ARK2N: variants seen among roughly 807,000 people sequenced by gnomAD.
The protein encoded by ARK2N is protein ARK2N.
chr18:46,196,578 C>G, the ARK2N span, among the ~76,000 whole-genome samples: 1 of 152,126 alleles, frequency 6.6e-6, no homozygotes, highest in Non-Finnish European at 1.5e-5. Flanking sequence ...AAATGTTAAG[C>G]CTATTTTGCA....
the ARK2N span, chr18:46,173,715 G>A: frequency 6.6e-6 from 1 of 152,472 alleles, no homozygotes; most frequent in East Asian, 1.9e-4. Context: ...AGGAGGGGGT[G>A]AGTACTGAGC....
the ARK2N span, among the ~76,000 whole-genome samples, chr18:46,244,601 A>ACTTT: frequency 1.1e-5 from 1 of 93,840 alleles, no homozygotes; most frequent in Non-Finnish European, 2.0e-5. Flanking sequence ...AAGAGTTTAG[A>ACTTT]TTTTTTTTTT....
the ARK2N span, chr18:46,216,704 G>A: frequency 2.0e-6 from 2 of 996,240 alleles, no homozygotes; most frequent in African/African-American, 3.3e-5. The surrounding 1 kb of genome is among the most constrained non-coding windows in gnomAD (Gnocchi z 4.3). Flanking sequence ...CTGCAGCTCT[G>A]TGTAAATTTG....
the ARK2N span, among the ~76,000 whole-genome samples, chr18:46,178,400 C>T: frequency 6.6e-6 from 1 of 152,214 alleles, no homozygotes; most frequent in African/African-American, 2.4e-5. Context: ...GCAATCTCCA[C>T]CTTCTGGGTT....
chr18:46,181,299 A>G, the ARK2N span, among the ~76,000 whole-genome samples: 1 of 152,096 alleles, frequency 6.6e-6, no homozygotes, highest in Non-Finnish European at 1.5e-5. Context: ...TTGTAATGCC[A>G]GTTCATTTAC....
chr18:46,215,481 A>G, the ARK2N span, among the ~76,000 whole-genome samples: 2 of 152,206 alleles, frequency 1.3e-5, no homozygotes, highest in East Asian at 3.8e-4. Context: ...ATCAAAGTCA[A>G]TGAATGCATA....
At chr18:46,237,648 T>A in the ARK2N span, among the ~76,000 whole-genome samples, 1 of 152,160 alleles carries the variant, frequency 6.6e-6, no homozygotes, top group East Asian at 1.9e-4. Context: ...CTTGGCCTCT[T>A]AAGTACTTGG....
the ARK2N span, chr18:46,216,448 C>T: frequency 1.9e-5 from 30 of 1,614,042 alleles, no homozygotes; most frequent in Admixed American, 3.3e-5. The surrounding 1 kb of genome is among the most constrained non-coding windows in gnomAD (Gnocchi z 4.3). Context: ...GAGGCAGAAA[C>T]GGGAGGCTGC....
At chr18:46,177,303 C>T in the ARK2N span, among the ~76,000 whole-genome samples, 8 of 151,970 alleles carry the variant, frequency 5.3e-5, no homozygotes, top group Non-Finnish European at 7.4e-5. Flanking sequence ...CACCTCTAAT[C>T]CCAGCATTTT....
chr18:46,263,935 T>A, the ARK2N span: 2 of 152,476 alleles, frequency 1.3e-5, no homozygotes, highest in Admixed American at 1.3e-4. Context: ...TTTAGTCAAA[T>A]AACGGGTGAA....
At chr18:46,265,626 A>G in the ARK2N span, 14 of 152,288 alleles carry the variant, frequency 9.2e-5, no homozygotes, top group Non-Finnish European at 1.8e-4. Flanking sequence ...GCTCTCCCCT[A>G]CTAGGTTGGG....
At chr18:46,239,973 A>G in the ARK2N span, 3 of 1,597,100 alleles carry the variant, frequency 1.9e-6, no homozygotes, top group Non-Finnish European at 2.6e-6. Flanking sequence ...CCCACACGTT[A>G]GATACAAGTA....
At chr18:46,190,564 T>A in the ARK2N span, among the ~76,000 whole-genome samples, 6 of 152,068 alleles carry the variant, frequency 3.9e-5, no homozygotes, top group African/African-American at 1.2e-4. Context: ...TTCATCATTT[T>A]AAAAAAATCA....
At chr18:46,261,231 C>A in the ARK2N span, among the ~76,000 whole-genome samples, 180 of 152,322 alleles carry the variant, frequency 1.2e-3, no homozygotes, top group African/African-American at 4.2e-3. Flanking sequence ...CGATTTAATA[C>A]ACACATCTGT....
chr18:46,214,051 A>G, the ARK2N span, among the ~76,000 whole-genome samples: 1 of 152,190 alleles, frequency 6.6e-6, no homozygotes, highest in Non-Finnish European at 1.5e-5. Flanking sequence ...TCTGGTTTCC[A>G]TGAATGTGTT....
chr18:46,258,911 C>T, the ARK2N span, among the ~76,000 whole-genome samples: 5 of 152,068 alleles, frequency 3.3e-5, no homozygotes, highest in East Asian at 7.7e-4. Context: ...GAATTTTTTT[C>T]CCTATCTGGT....
At chr18:46,252,149 T>C in the ARK2N span, among the ~76,000 whole-genome samples, 108,959 of 151,224 alleles carry the variant, frequency 0.72, 39,429 homozygotes, top group Middle Eastern at 0.76. Flanking sequence ...GCCGAGATTG[T>C]GCCATTGCAC....
chr18:46,192,796 C>T, the ARK2N span, among the ~76,000 whole-genome samples: 2 of 151,124 alleles, frequency 1.3e-5, no homozygotes, highest in African/African-American at 4.9e-5. Flanking sequence ...TCTTGAACTC[C>T]TGACCTCAAA....
the ARK2N span, among the ~76,000 whole-genome samples, chr18:46,229,829 C>G: frequency 6.6e-6 from 1 of 152,148 alleles, no homozygotes; most frequent in African/African-American, 2.4e-5. Flanking sequence ...GTCTTAAACT[C>G]CTAAGCTCAA....
Sources: allele counts gnomAD v4.1 joint callset (sites outside exome capture counted in the v4.1 genomes callset), GRCh38; gene constraint gnomAD v4.1.1; non-coding constraint Gnocchi (gnomAD v3.1); transcripts MANE v1.5; gene names NCBI Gene and HGNC (gene_info 2026-07-23, HGNC 2026-07-21).